ERP44: variants seen among roughly 807,000 people sequenced by gnomAD.
ERP44 encodes endoplasmic reticulum resident protein 44.
A neutral mutation model predicts 53.4 loss-of-function variants in ERP44; 25 were observed. The observed-to-expected ratio is 0.47, with a 90% CI of 0.34 to 0.65. The LOEUF is 0.65. Ranked by LOEUF, ERP44 falls within the 30% of genes least tolerant of loss-of-function variation. The pLI, the probability that ERP44 is intolerant of heterozygous loss-of-function variation, is 0.01. For missense variants in ERP44, 338 were observed against 493.2 expected (o/e 0.69, Z 2.98); for synonymous variants, 145 against 161.2 (o/e 0.90, Z 0.76).
At chr9:100,076,524 C>G (rs138590618) in intron 1 of ERP44, among the ~76,000 whole-genome samples, 1 of 152,188 alleles carries the variant, frequency 6.6e-6, no homozygotes, top group African/African-American at 2.4e-5. Flanking sequence ...CCGTAAAGGA[C>G]AGCGGAGAAG....
At chr9:100,004,012 A>G (rs942972255) in intron 10 of ERP44, among the ~76,000 whole-genome samples, 1 of 152,160 alleles carries the variant, frequency 6.6e-6, no homozygotes, top group African/African-American at 2.4e-5. Context: ...ATCACGATCT[A>G]TGGCAGCTTG....
chr9:100,039,895 T>A (rs570084236), intron 4 of ERP44, among the ~76,000 whole-genome samples: 23 of 152,270 alleles, frequency 1.5e-4, no homozygotes, highest in African/African-American at 5.5e-4. Flanking sequence ...TGTGCAACTA[T>A]TTGCCAATAA....
chr9:100,090,218 A>G (rs2118759832), intron 1 of ERP44, among the ~76,000 whole-genome samples: 2 of 152,330 alleles, frequency 1.3e-5, no homozygotes, highest in East Asian at 3.9e-4. Context: ...AGGTAAAATC[A>G]TTACAGAAGT....
chr9:100,051,790 T>A (rs975809549), intron 4 of ERP44, among the ~76,000 whole-genome samples: 19 of 152,124 alleles, frequency 1.2e-4, no homozygotes, highest in Admixed American at 6.6e-4. Flanking sequence ...CCTTCATGTA[T>A]ACGAAAAACC....
chr9:100,010,790 A>G (rs1274113899), intron 8 of ERP44, among the ~76,000 whole-genome samples: 1 of 151,610 alleles, frequency 6.6e-6, no homozygotes, highest in Non-Finnish European at 1.5e-5. Context: ...AATCCCAGCT[A>G]CTCAGGAGGC....
At chr9:100,004,248 G>C (rs1412571619) in intron 10 of ERP44, among the ~76,000 whole-genome samples, 1 of 152,156 alleles carries the variant, frequency 6.6e-6, no homozygotes, top group East Asian at 1.9e-4. Context: ...CCTAGAACTT[G>C]GGTCCATGGA....
chr9:99,995,250 G>C (rs1465239049), intron 10 of ERP44, among the ~76,000 whole-genome samples: 1 of 152,124 alleles, frequency 6.6e-6, no homozygotes, highest in Non-Finnish European at 1.5e-5. Context: ...TTAATAATTT[G>C]TTGGTAATTT....
chr9:100,068,049 C>A (rs1381478566), intron 1 of ERP44, among the ~76,000 whole-genome samples: 19 of 149,088 alleles, frequency 1.3e-4, no homozygotes, highest in Admixed American at 1.2e-3. Context: ...GTCCCCCGCC[C>A]GGCCAGCCGC....
intron 10 of ERP44, among the ~76,000 whole-genome samples, chr9:99,985,553 C>A (rs1257596224): frequency 6.6e-6 from 1 of 152,218 alleles, no homozygotes; most frequent in Admixed American, 6.5e-5. Context: ...CCAATGTCCA[C>A]CACCATTTAA....
chr9:100,010,239 A>G (rs1368237576), intron 8 of ERP44, among the ~76,000 whole-genome samples: 1 of 152,256 alleles, frequency 6.6e-6, no homozygotes, highest in African/African-American at 2.4e-5. Context: ...ACAAATGTTA[A>G]AAGATTAAGG....
chr9:100,085,500 T>G (rs1307330155), intron 1 of ERP44, among the ~76,000 whole-genome samples: 1 of 152,216 alleles, frequency 6.6e-6, no homozygotes, highest in African/African-American at 2.4e-5. Flanking sequence ...GTAAAAAAAC[T>G]ATACCCCCAT....
intron 2 of ERP44, among the ~76,000 whole-genome samples, chr9:100,058,654 T>C (rs1454855199): frequency 3.3e-5 from 5 of 152,214 alleles, no homozygotes; most frequent in African/African-American, 1.2e-4. Context: ...TTTTAATTCC[T>C]ATCCATTTAA....
intron 1 of ERP44, among the ~76,000 whole-genome samples, chr9:100,079,916 C>G (rs1028448004): frequency 1.4e-5 from 2 of 145,320 alleles, no homozygotes; most frequent in Non-Finnish European, 3.0e-5. Context: ...GCCTGGGTGA[C>G]AGAGTGAGTG....
At chr9:100,047,676 T>C (rs1825988899) in intron 4 of ERP44, among the ~76,000 whole-genome samples, 1 of 152,190 alleles carries the variant, frequency 6.6e-6, no homozygotes, top group Non-Finnish European at 1.5e-5. Context: ...TAGATTGCAA[T>C]TATATCTTGG....
At chr9:100,002,380 T>C (rs757074357) in intron 10 of ERP44, among the ~76,000 whole-genome samples, 5 of 152,204 alleles carry the variant, frequency 3.3e-5, no homozygotes, top group Non-Finnish European at 5.9e-5. Flanking sequence ...GTTTTCATGT[T>C]AGTACTTACT....
intron 10 of ERP44, among the ~76,000 whole-genome samples, chr9:99,988,356 A>C (rs1036690629): frequency 1.3e-5 from 2 of 152,176 alleles, no homozygotes; most frequent in African/African-American, 4.8e-5. Flanking sequence ...GGTCATAAAG[A>C]GTTTCTCCTA....
At chr9:100,066,031 G>A (rs915868085) in intron 1 of ERP44, among the ~76,000 whole-genome samples, 2 of 152,192 alleles carry the variant, frequency 1.3e-5, no homozygotes, top group African/African-American at 2.4e-5. Flanking sequence ...GTGAGAAATA[G>A]AGAATACTAG....
At chr9:100,089,842 A>AGT (rs1480000637) in intron 1 of ERP44, among the ~76,000 whole-genome samples, 1 of 152,186 alleles carries the variant, frequency 6.6e-6, no homozygotes, top group Non-Finnish European at 1.5e-5. Context: ...GAAAAAACAT[A>AGT]GTATATATAG....
intron 4 of ERP44, among the ~76,000 whole-genome samples, chr9:100,035,132 C>T (rs757168532): frequency 3.6e-4 from 55 of 152,170 alleles, no homozygotes; most frequent in Non-Finnish European, 6.9e-4. Flanking sequence ...TATAAGAAAA[C>T]CTAGGAAATA....
Sources: allele counts gnomAD v4.1 joint callset (sites outside exome capture counted in the v4.1 genomes callset), GRCh38; gene constraint gnomAD v4.1.1; transcripts MANE v1.5; gene names NCBI Gene and HGNC (gene_info 2026-07-23, HGNC 2026-07-21).